The following CD276 variants were observed in gnomAD, a reference collection of about 807,000 sequenced individuals.
CD276 encodes the protein CD276 antigen.
A neutral mutation model predicts 50.0 loss-of-function variants in CD276; 34 were observed. The observed-to-expected ratio is 0.68, with a 90% confidence interval of 0.52 to 0.91. CD276 has a LOEUF of 0.91. CD276 is among the 40% of genes least tolerant of loss of function. CD276 has a pLI of 0.00. For missense variants in CD276, 634 were observed against 717.5 expected (o/e 0.88, Z 1.33); for synonymous variants, 275 against 313.0 (o/e 0.88, Z 1.28).
chr15:73,703,574 T>TG (rs1900503881), intron 4 of CD276, 85 bp from the exon 5 acceptor site: 1 of 1,075,934 alleles, frequency 9.3e-7, no homozygotes. Context: ...TGGGAATTGA[T>TG]GGGGGAAGAG....
intron 3 of CD276, 25 bp from the exon 4 acceptor site, chr15:73,702,747 G>A: frequency 6.2e-7 from 1 of 1,600,350 alleles, no homozygotes; most frequent in Non-Finnish European, 8.5e-7. Context: ...CCCTGCCCTT[G>A]ACCCCTGCCC....
chr15:73,712,484 A>C (rs1279387282), intron 9 of CD276, among the ~76,000 whole-genome samples: 1 of 152,210 alleles, frequency 6.6e-6, no homozygotes, highest in East Asian at 1.9e-4. Flanking sequence ...GGAGACAGGA[A>C]GCCCAAGGGA....
At chr15:73,701,341 C>T (rs899070577) in intron 2 of CD276, among the ~76,000 whole-genome samples, 6 of 152,200 alleles carry the variant, frequency 3.9e-5, no homozygotes, top group Non-Finnish European at 1.5e-5. Context: ...TGCCACAGTC[C>T]AGTCTCCACA....
chr15:73,696,833 T>A (rs11574469), intron 1 of CD276, among the ~76,000 whole-genome samples: 7,431 of 152,078 alleles, frequency 0.049, 610 homozygotes, highest in African/African-American at 0.17. Context: ...CAGATTCCTG[T>A]CTTAGGTCCT....
At chr15:73,710,792 A>T (rs1900866424) in intron 8 of CD276, among the ~76,000 whole-genome samples, 4 of 152,062 alleles carry the variant, frequency 2.6e-5, no homozygotes, top group Non-Finnish European at 5.9e-5. Context: ...CCACCTGCAA[A>T]TCTGCCAGCC....
rs58196751 is a variant in CD276 at position 73,689,188 on chromosome 15, CTGTGTGTG to C, written c.-55+4762_-55+4769del. On this transcript the variant is annotated intron_variant, in intron 1 of 9. Coordinates refer to ENST00000318443, the MANE Select transcript of CD276 (RefSeq NM_001024736.2). The stretch of plus-strand genomic sequence containing the variant: ...CACTTTTTTCAGGGCTCTGTGCCTC[CTGTGTGTG>C]TGTGTGTGTGTGTGTGTGTGTGTGT... 1.7e-3 allele frequency among the ~76,000 whole-genome samples: 245 copies of C among 142,710 alleles called. 1 individual carries two copies. The highest frequency in any genetic ancestry group is 4.2e-3 in the African/African-American group (161 of 38,188). The allele number at this position is 142,710 out of a possible 152,430, so 93.6% of individuals were successfully genotyped here.
chr15:73,705,760 G>A (rs1900624539), intron 6 of CD276, among the ~76,000 whole-genome samples: 1 of 152,088 alleles, frequency 6.6e-6, no homozygotes, highest in Non-Finnish European at 1.5e-5. Flanking sequence ...ACACCTCCAG[G>A]GGCAAATGGG....
intron 4 of CD276, 40 bp downstream of exon 4, chr15:73,703,126 T>C (rs756091359): frequency 1.3e-6 from 2 of 1,532,426 alleles, no homozygotes; most frequent in South Asian, 2.4e-5. Flanking sequence ...AGGGGGGTTC[T>C]GCTTCTGTCG....
chr15:73,697,090 T>C lies in CD276; in HGVS notation c.-54-2496T>C, dbSNP rs140877506. Reference sequence around the variant, plus strand: ...CTTCCCGCAGGGGTTGGGCAGGTCCTGCAGGCAGCTGCCTGCTGGATCTTC... The same window carrying C: ...CTTCCCGCAGGGGTTGGGCAGGTCCCGCAGGCAGCTGCCTGCTGGATCTTC... On this transcript the variant is annotated intron_variant, in intron 1 of 9. Transcript: ENST00000318443. Among the ~76,000 whole-genome samples the C allele has an allele frequency of 4.9e-4, 74 of 152,292 alleles. No homozygotes were observed. In the East Asian group the frequency reaches 7.9e-3, roughly 16 times the overall value.
intron 6 of CD276, among the ~76,000 whole-genome samples, chr15:73,705,747 A>G (rs533754413): frequency 4.3e-4 from 66 of 152,236 alleles, no homozygotes; most frequent in African/African-American, 1.5e-3. Flanking sequence ...GGTGGTAGTG[A>G]GGACACCTCC....
intron 2 of CD276, among the ~76,000 whole-genome samples, chr15:73,700,402 C>T (rs991063865): frequency 3.9e-5 from 6 of 152,204 alleles, no homozygotes; most frequent in African/African-American, 1.4e-4. Flanking sequence ...ACGGCTTCCT[C>T]CGTGGGGAAG....
In CD276 at chr15:73,714,463, G is replaced by A. The variant is rs1298061882; in HGVS notation, c.*1507G>A. 1 of 152,494 alleles carries A rather than the reference G, an allele frequency of 6.6e-6. No homozygotes were observed. The highest frequency in any genetic ancestry group is 2.4e-5 in the African/African-American group (1 of 41,462). The allele number at this position is 152,494 out of a possible 1,614,324, so 9.4% of individuals were successfully genotyped here. On this transcript the variant is annotated 3_prime_UTR_variant, in exon 10 of 10. Coordinates refer to ENST00000318443, the MANE Select transcript of CD276 (RefSeq NM_001024736.2). ...CTAATTTAAATGTGGGACTCGGAGG[G>A]ATTTTGTAAACTGGGGGTATATTTT...
At position 73,704,236 on chromosome 15, in the gene CD276, C is replaced by T. The variant is rs145827704; in HGVS notation, c.1133C>T (p.Thr378Met). ...EPNKDLRPGD[T>M]VTITCSSYRG... ...AACAAGGACCTGCGGCCAGGGGACA[C>T]GGTGACCATCACGTGCTCCAGCTAC... Residue 378 changes from threonine (T) to methionine (M), a missense_variant, in exon 6 of 10, where the codon ACG becomes ATG. Physicochemically the swap from Thr to Met is moderately conservative, Grantham distance 81. Transcript: ENST00000318443. This position sits in a 1 kb window ranked among gnomAD's most constrained non-coding sequence, Gnocchi z 4.1. 1,340 of 1,614,010 alleles carry T rather than the reference C, an allele frequency of 8.3e-4. 2 individuals are homozygous for T. The highest frequency in any genetic ancestry group is 1.0e-3 in the Non-Finnish European group (1,229 of 1,180,022).
At chr15:73,702,066 T>C (rs1900412126) in intron 2 of CD276, among the ~76,000 whole-genome samples, 189 bp from the exon 3 acceptor site, 1 of 152,382 alleles carries the variant, frequency 6.6e-6, no homozygotes, top group Middle Eastern at 3.4e-3. Flanking sequence ...CTGACTTTTA[T>C]GCTTGGCACC....
Position 73,713,775 on chromosome 15 carries a change from TG to T in CD276, c.*824del, listed in dbSNP as rs1373743421. Reference sequence around the variant, plus strand: ...CTCCAGGGGTCTGTGATGGGGCCCCTGGGGGTCAGCTTCTGTCCCTCTGCCT... The same window carrying T: ...CTCCAGGGGTCTGTGATGGGGCCCCTGGGGTCAGCTTCTGTCCCTCTGCCT... On this transcript the variant is annotated 3_prime_UTR_variant, in exon 10 of 10. Coordinates refer to ENST00000318443, the MANE Select transcript of CD276 (RefSeq NM_001024736.2). 3 of 432,868 alleles carry T rather than the reference TG, an allele frequency of 6.9e-6. No homozygotes were observed. Among genetic ancestry groups the T allele is most frequent in the East Asian group, 7.8e-5 (1 of 12,814 alleles). The allele number at this position is 432,868 out of a possible 1,614,324, so 26.8% of individuals were successfully genotyped here. A position where few individuals can be genotyped will look rare whatever the true frequency, so the allele number is the denominator to read the frequency against.
Position 73,684,898 on chromosome 15 carries a change from A to T in CD276, c.-55+438A>T, listed in dbSNP as rs531156186. 2.8e-4 allele frequency: 43 copies of T among 152,396 alleles called. No homozygotes were observed. In the Middle Eastern group the frequency reaches 0.014, roughly 48 times the overall value. The allele number at this position is 152,396 out of a possible 1,614,324, so 9.4% of individuals were successfully genotyped here. On this transcript the variant is annotated intron_variant, in intron 1 of 9. Coordinates refer to ENST00000318443, the MANE Select transcript of CD276 (RefSeq NM_001024736.2). Reference sequence around the variant, plus strand: ...AACGAAGCCACCGGCCGGCGCTGGGAGGTTAGCGGGGTCTCGGGTCCTGCA... The same window carrying T: ...AACGAAGCCACCGGCCGGCGCTGGGTGGTTAGCGGGGTCTCGGGTCCTGCA...
Position 73,704,575 on chromosome 15 carries a change from A to G in CD276, c.1369+103A>G. The stretch of plus-strand genomic sequence containing the variant: ...AGGTTTGGGTGGCCAGAAGACTTTC[A>G]AAATCCCTTTCATAGACTTCAGGTG... On this transcript the variant is annotated intron_variant, in intron 6 of 9. Transcript: ENST00000318443. The surrounding 1 kb of genome is among the most constrained non-coding windows in gnomAD (Gnocchi z 4.1). The G allele has an allele frequency of 7.0e-7, 1 of 1,438,420 alleles. No homozygotes were observed. Among genetic ancestry groups the G allele is most frequent in the Non-Finnish European group, 9.3e-7 (1 of 1,074,344 alleles). 89.1% of individuals were successfully genotyped at this position (1,438,420 alleles called of 1,614,324 possible).
At chr15:73,686,408 C>T (rs931404869) in intron 1 of CD276, 11 of 451,398 alleles carry the variant, frequency 2.4e-5, no homozygotes, top group East Asian at 1.5e-4. Flanking sequence ...AGGCACCACC[C>T]GATGGAGGGT....
chr15:73,684,214 C>T (rs1899642047), upstream of CD276: 1 of 151,222 alleles, frequency 6.6e-6, no homozygotes, highest in South Asian at 2.1e-4. Flanking sequence ...GGGCGGGGGC[C>T]AGGCCGTGTG....
Sources: allele counts gnomAD v4.1 joint callset (sites outside exome capture counted in the v4.1 genomes callset), GRCh38; gene constraint gnomAD v4.1.1; non-coding constraint Gnocchi (gnomAD v3.1); transcripts MANE v1.5; gene names NCBI Gene and HGNC (gene_info 2026-07-23, HGNC 2026-07-21).